Variants in SSB observed in about 807,000 individuals in gnomAD.
The protein encoded by SSB is lupus La protein.
A neutral mutation model predicts 52.9 loss-of-function variants in SSB; 17 were observed. The observed-to-expected ratio is 0.32, with a 90% CI of 0.22 to 0.48. The LOEUF (loss-of-function observed/expected upper bound fraction) is 0.48, where lower values mean the gene tolerates loss of function less well. Ranked by LOEUF, SSB falls within the 20% of genes least tolerant of loss-of-function variation. The pLI is 0.99. For missense variants in SSB, 314 were observed against 463.6 expected, an observed-to-expected ratio of 0.68 and a Z score of 2.96; for synonymous variants, 111 against 152.1, an observed-to-expected ratio of 0.73 and a Z score of 1.99.
chr2:169,802,579 C>T (rs940941851), intron 2 of SSB, among the ~76,000 whole-genome samples: 1 of 152,146 alleles, frequency 6.6e-6, no homozygotes, highest in Non-Finnish European at 1.5e-5. Context: ...GGTTGTATCT[C>T]TCCCACAACC....
At chr2:169,799,689 A>G (rs764925404) in intron 1 of SSB, among the ~76,000 whole-genome samples, 5 of 151,488 alleles carry the variant, frequency 3.3e-5, no homozygotes. Context: ...ATTGTGATAG[A>G]CAAGACAATG....
At position 169,805,742 on chromosome 2, in the gene SSB, G is replaced by A. The variant is rs1689816100; in HGVS notation, c.248G>A (p.Ser83Asn). ...TCCAAGGCAGAACTCATGGAAATCA[G>A]TGAAGATAAAACTAAAATCAGAAGG... Reference protein sequence around the residue: ...SKSKAELMEISEDKTKIRRSP... With the variant: ...SKSKAELMEINEDKTKIRRSP... Residue 83 changes from serine to asparagine, a missense_variant, in exon 4 of 12, where the codon AGT (serine) becomes AAT (asparagine). Physicochemically the swap from Ser to Asn is conservative, Grantham distance 46 (BLOSUM62 1). Transcript: ENST00000260956. 1 of 1,613,968 alleles carries A rather than the reference G, an allele frequency of 6.2e-7. No homozygotes were observed. The highest frequency in any genetic ancestry group is 8.5e-7 in the Non-Finnish European group (1 of 1,180,000).
intron 5 of SSB, 36 bp from the exon 6 acceptor site, chr2:169,806,935 C>G (rs1252262502): frequency 1.2e-6 from 2 of 1,608,952 alleles, no homozygotes; most frequent in Non-Finnish European, 1.7e-6. Context: ...ATATATGGGA[C>G]ATAACTTAAA....
intron 4 of SSB, chr2:169,806,042 C>A (rs1457825753): frequency 1.6e-6 from 1 of 615,612 alleles, no homozygotes; most frequent in Non-Finnish European, 3.0e-6. Flanking sequence ...GTGATCATGG[C>A]CCACTGCAGT....
At chr2:169,801,919 C>T (rs745914326) in intron 2 of SSB, among the ~76,000 whole-genome samples, 1 of 152,134 alleles carries the variant, frequency 6.6e-6, no homozygotes, top group Non-Finnish European at 1.5e-5. Context: ...CGTAATACCT[C>T]AAGTGATCCG....
intron 1 of SSB, 30 bp downstream of exon 1, chr2:169,799,006 C>G (rs1689642370): frequency 6.6e-6 from 1 of 151,248 alleles, no homozygotes; most frequent in African/African-American, 2.4e-5. Context: ...TAATGAGAAG[C>G]TACAAAAGGG....
Position 169,808,905 on chromosome 2 carries a change from A to C in SSB, c.669+3A>C. 1 of 1,598,006 alleles carries C rather than the reference A, an allele frequency of 6.3e-7. No individual in the cohort carries two copies. ...AGTTAGAAGAAGATGCTGAAATGGT[A>C]AGTATATATTACTGCTATCTAGTAC... On this transcript the variant is annotated splice_donor_region_variant and intron_variant, in intron 8 of 11. Coordinates refer to ENST00000260956, the MANE Select transcript of SSB (RefSeq NM_003142.5).
intron 1 of SSB, chr2:169,799,631 T>G (rs1194607310): frequency 6.6e-6 from 1 of 152,216 alleles, no homozygotes; most frequent in Non-Finnish European, 1.5e-5. Flanking sequence ...TATTTCATCG[T>G]TTGCTTTGTA....
In SSB at chr2:169,811,856, C is replaced by A; in HGVS notation, c.*100C>A. ...ACCGAATTAGGTCCACTTCAATGTC[C>A]ACCTGTGAGAAAGGAAAAATTTTTT... is the stretch of plus-strand genomic sequence containing the variant. On this transcript the variant is annotated 3_prime_UTR_variant, in exon 12 of 12. Transcript: ENST00000260956. 7.4e-6 allele frequency: 12 copies of A among 1,612,734 alleles called. No homozygotes were observed. The highest frequency in any genetic ancestry group is 9.3e-6 in the Non-Finnish European group (11 of 1,179,616).
chr2:169,805,460 T>C lies in SSB; in HGVS notation c.67-14T>C. The C allele has an allele frequency of 6.3e-7, 1 of 1,577,914 alleles. No homozygotes were observed. Among genetic ancestry groups the C allele is most frequent in the Non-Finnish European group, 8.7e-7 (1 of 1,148,720 alleles). ...TTATACAGTGTTCTGAAATACATTG[T>C]AATTATCTCACAGTATTATTTTGGC... is the stretch of plus-strand genomic sequence containing the variant. On this transcript the variant is annotated splice_polypyrimidine_tract_variant and intron_variant, in intron 2 of 11. Coordinates refer to ENST00000260956, the MANE Select transcript of SSB (RefSeq NM_003142.5).
rs1460556353 is a variant in SSB, at chr2:169,807,204, G to GAT, written c.554+136_554+137dup. 5 of 686,288 alleles carry GAT rather than the reference G, an allele frequency of 7.3e-6. No individual in the cohort carries two copies. In the Admixed American group the frequency reaches 1.1e-4, roughly 16 times the overall value. 42.5% of individuals were successfully genotyped at this position (686,288 alleles called of 1,614,324 possible). On this transcript the variant is annotated intron_variant, in intron 6 of 11. Coordinates refer to ENST00000260956, the MANE Select transcript of SSB (RefSeq NM_003142.5). The stretch of plus-strand genomic sequence containing the variant: ...TTTAGATGACCTTTGAGAAATGCTT[G>GAT]ATATTTGTTCAGTGAGAACTATAGT...
intron 9 of SSB, 126 bp downstream of exon 9, chr2:169,810,549 T>C (rs979725478): frequency 4.5e-6 from 4 of 881,974 alleles, no homozygotes; most frequent in Admixed American, 3.1e-5. Context: ...TCATTTGTTA[T>C]TGCCACTAGA....
chr2:169,800,849 G>T, intron 1 of SSB, 103 bp from the exon 2 acceptor site: 1 of 818,472 alleles, frequency 1.2e-6, no homozygotes. Context: ...AGAAATTCTT[G>T]ATTTTTTAAG....
chr2:169,810,729 C>A, intron 9 of SSB, 129 bp from the exon 10 acceptor site: 2 of 881,248 alleles, frequency 2.3e-6, no homozygotes, highest in Non-Finnish European at 1.7e-6. Context: ...TTCTACTGTT[C>A]AGTAAAATTC....
At chr2:169,800,828 C>G in intron 1 of SSB, 124 bp from the exon 2 acceptor site, 1 of 621,752 alleles carries the variant, frequency 1.6e-6, no homozygotes, top group Non-Finnish European at 2.5e-6. Flanking sequence ...AGAAACTGAA[C>G]CCGTGAAAAT....
intron 8 of SSB, 152 bp downstream of exon 8, chr2:169,809,054 A>G: frequency 2.8e-6 from 2 of 705,286 alleles, no homozygotes; most frequent in Non-Finnish European, 5.2e-6. Context: ...TATTGAGGGA[A>G]AAGAGAAAAC....
intron 8 of SSB, 158 bp downstream of exon 8, chr2:169,809,060 A>G (rs542350661): frequency 1.5e-6 from 1 of 688,634 alleles, no homozygotes; most frequent in East Asian, 2.9e-5. Flanking sequence ...GGGAAAAGAG[A>G]AAACTAAGGA....
intron 11 of SSB, 74 bp from the exon 12 acceptor site, chr2:169,811,592 ATT>A (rs1689957697): frequency 4.5e-6 from 7 of 1,545,394 alleles, no homozygotes; most frequent in East Asian, 2.3e-5. Context: ...CAGTATCATT[ATT>A]AGTAATTGTG....
chr2:169,800,974 G>A lies in SSB; in HGVS notation c.14G>A (p.Gly5Asp). 1.3e-6 allele frequency: 2 copies of A among 1,597,882 alleles called. No homozygotes were observed. Among genetic ancestry groups the A allele is most frequent in the Non-Finnish European group, 8.5e-7 (1 of 1,173,684 alleles). ...CAGATAGCCGCAATGGCTGAAAATG[G>A]TGATAATGAAAAGATGGCTGCCCTG... is the stretch of plus-strand genomic sequence containing the variant. MAEN[G>D]DNEKMAALEA... is the part of the protein sequence containing the mutation. Residue 5 changes from glycine to aspartate, a missense_variant, in exon 2 of 12, where the codon GGT becomes GAT. Physicochemically the swap from Gly to Asp is moderately conservative, Grantham distance 94. Coordinates refer to ENST00000260956, the MANE Select transcript of SSB (RefSeq NM_003142.5).
Sources: allele counts gnomAD v4.1 joint callset (sites outside exome capture counted in the v4.1 genomes callset), GRCh38; gene constraint gnomAD v4.1.1; transcripts MANE v1.5; gene names NCBI Gene and HGNC (gene_info 2026-07-23, HGNC 2026-07-21).